VIT: variants seen among roughly 807,000 people sequenced by gnomAD.
VIT encodes vitrin.
A neutral mutation model predicts 78.0 loss-of-function variants in VIT; 99 were observed. That is an observed-to-expected ratio of 1.27 (90% confidence interval 1.08 to 1.50). The LOEUF (loss-of-function observed/expected upper bound fraction) is 1.50. VIT is among the 40% of genes most tolerant of loss of function. The probability of loss-of-function intolerance (pLI) is 0.00; values close to 1 mark genes in which losing one functional copy is unlikely to be tolerated. For missense variants in VIT, 1,126 were observed against 875.3 expected, an observed-to-expected ratio of 1.29 and a Z score of -3.61; for synonymous variants, 374 against 334.3, an observed-to-expected ratio of 1.12 and a Z score of -1.29.
chr2:36,813,796 G>C (rs1181880852), intron 15 of VIT, among the ~76,000 whole-genome samples: 3 of 152,098 alleles, frequency 2.0e-5, no homozygotes, highest in Non-Finnish European at 4.4e-5. Flanking sequence ...CATGTATTCT[G>C]ATCTGCATGG....
At chr2:36,721,628 G>A (rs1558514062) in intron 2 of VIT, among the ~76,000 whole-genome samples, 1 of 152,120 alleles carries the variant, frequency 6.6e-6, no homozygotes, top group Non-Finnish European at 1.5e-5. Flanking sequence ...CTTGCTTGTG[G>A]AGCCTTCCTG....
In VIT at chr2:36,801,325, C is replaced by G. The variant is rs1417995539; in HGVS notation, c.1083C>G (p.Asn361Lys). ...QYGDNPATHF[N>K]LKTHTNSRDL... ...GAGACAACCCTGCTACTCACTTTAA[C>G]CTCAAGACACACACGAATTCTCGAG... Residue 361 changes from asparagine (N) to lysine (K), a missense_variant, in exon 13 of 16, where the codon AAC becomes AAG. Asn to Lys is a moderately conservative substitution (Grantham distance 94). Coordinates refer to ENST00000379242, the MANE Select transcript of VIT (RefSeq NM_053276.4). 5.6e-6 allele frequency: 9 copies of G among 1,613,990 alleles called. No homozygotes were observed. The highest frequency in any genetic ancestry group is 1.3e-5 in the African/African-American group (1 of 74,912).
intron 12 of VIT, among the ~76,000 whole-genome samples, chr2:36,797,411 A>G (rs187299190): frequency 7.9e-4 from 121 of 152,296 alleles, no homozygotes; most frequent in Non-Finnish European, 1.9e-4. Context: ...GACGGAAAGG[A>G]TGGGAGAAAT....
intron 12 of VIT, among the ~76,000 whole-genome samples, chr2:36,797,030 A>G (rs770969919): frequency 2.6e-5 from 4 of 151,972 alleles, no homozygotes; most frequent in Non-Finnish European, 4.4e-5. Context: ...ACAATTACAT[A>G]TTTATTATTG....
At chr2:36,801,676 C>T (rs540213531) in intron 13 of VIT, among the ~76,000 whole-genome samples, 48 of 150,252 alleles carry the variant, frequency 3.2e-4, no homozygotes, top group African/African-American at 9.1e-4. Flanking sequence ...GGTGTGGTGG[C>T]GGGTGCCTAT....
chr2:36,724,812 C>G (rs1234581793), intron 2 of VIT, among the ~76,000 whole-genome samples: 2 of 152,194 alleles, frequency 1.3e-5, no homozygotes, highest in Non-Finnish European at 2.9e-5. Context: ...GACTTATAAG[C>G]CACTTGCCTC....
chr2:36,806,650 A>G (rs1331721587), intron 14 of VIT, among the ~76,000 whole-genome samples: 1 of 152,042 alleles, frequency 6.6e-6, no homozygotes, highest in Non-Finnish European at 1.5e-5. Flanking sequence ...AGCTTCAAGC[A>G]ATTCTCCTGC....
chr2:36,742,605 C>A (rs1426735212), intron 3 of VIT, among the ~76,000 whole-genome samples: 2 of 152,146 alleles, frequency 1.3e-5, no homozygotes, highest in Non-Finnish European at 2.9e-5. Context: ...TACCAATCTA[C>A]CATCCTCCCA....
chr2:36,812,143 A>T (rs1438949963), intron 15 of VIT, among the ~76,000 whole-genome samples: 3 of 152,160 alleles, frequency 2.0e-5, no homozygotes, highest in Non-Finnish European at 2.9e-5. Context: ...TCCAATCTAG[A>T]CAATGTTCCG....
At chr2:36,772,575 T>C (rs1416277567) in intron 7 of VIT, among the ~76,000 whole-genome samples, 1 of 151,716 alleles carries the variant, frequency 6.6e-6, no homozygotes, top group African/African-American at 2.4e-5. Context: ...AGCATGGTGA[T>C]GTGCACTTGT....
At chr2:36,711,805 C>T (rs1395286723) in intron 1 of VIT, among the ~76,000 whole-genome samples, 1 of 152,178 alleles carries the variant, frequency 6.6e-6, no homozygotes, top group African/African-American at 2.4e-5. Flanking sequence ...TAACTGTGGG[C>T]AGAAAGAGAG....
chr2:36,805,813 C>T lies in VIT; in HGVS notation c.1389+149C>T, dbSNP rs560268366. 37 of 813,912 alleles carry T rather than the reference C, an allele frequency of 4.5e-5. No individual in the cohort carries two copies. In the South Asian group the frequency reaches 5.2e-4, roughly 11 times the overall value. 50.4% of individuals were successfully genotyped at this position (813,912 alleles called of 1,614,324 possible). ...GCCTCCAGGGAGGGACTGGTCAATCCGAAACCTGCAATTACCCTCTCAAAG... is the reference window on the plus strand; with the variant it reads ...GCCTCCAGGGAGGGACTGGTCAATCTGAAACCTGCAATTACCCTCTCAAAG... On this transcript the variant is annotated intron_variant, in intron 14 of 15. Transcript: ENST00000379242.
chr2:36,698,775 C>A (rs1664831777), intron 1 of VIT, among the ~76,000 whole-genome samples: 1 of 152,030 alleles, frequency 6.6e-6, no homozygotes, highest in Non-Finnish European at 1.5e-5. Flanking sequence ...GAAACCCCAT[C>A]TCTACCAAAA....
chr2:36,792,470 C>G (rs974954485), intron 12 of VIT, among the ~76,000 whole-genome samples: 3 of 151,890 alleles, frequency 2.0e-5, no homozygotes, highest in Admixed American at 1.3e-4. Flanking sequence ...TGACTTCCAC[C>G]CCTCCCCTTT....
chr2:36,795,109 A>T (rs551328724), intron 12 of VIT, among the ~76,000 whole-genome samples: 1 of 152,326 alleles, frequency 6.6e-6, no homozygotes, highest in East Asian at 1.9e-4. Context: ...AGGGATTGGA[A>T]GCTAGGAGAA....
chr2:36,801,368 G>C lies in VIT; in HGVS notation c.1126G>C (p.Glu376Gln). ...TNSRDLKTAIEKITQRGGLSN... is the reference protein window; with the variant it reads ...TNSRDLKTAIQKITQRGGLSN... ...TTCTCGAGATCTGAAGACAGCCATA[G>C]AGAAAATTACTCAGAGAGGAGGACT... The change falls in exon 13 of 16, where the codon GAG becomes CAG. Residue 376 changes from glutamate (E) to glutamine (Q), a missense_variant. Coordinates refer to ENST00000379242, the MANE Select transcript of VIT (RefSeq NM_053276.4). 2 of 1,614,046 alleles carry C rather than the reference G, an allele frequency of 1.2e-6. No homozygotes were observed. The highest frequency in any genetic ancestry group is 1.7e-6 in the Non-Finnish European group (2 of 1,180,020).
At chr2:36,697,516 T>TTAA (rs1388109758) in intron 1 of VIT, among the ~76,000 whole-genome samples, 1 of 152,256 alleles carries the variant, frequency 6.6e-6, no homozygotes, top group Non-Finnish European at 1.5e-5. Context: ...TTGTTTACAC[T>TTAA]TAAAGTGTTT....
At chr2:36,721,195 A>G (rs1407312984) in intron 2 of VIT, among the ~76,000 whole-genome samples, 1 of 152,230 alleles carries the variant, frequency 6.6e-6, no homozygotes, top group South Asian at 2.1e-4. Flanking sequence ...TGGCTATGTT[A>G]ATTAGCTTGA....
At chr2:36,787,067 G>A in intron 11 of VIT, 62 bp from the exon 12 acceptor site, 3 of 1,594,684 alleles carry the variant, frequency 1.9e-6, no homozygotes, top group South Asian at 1.1e-5. Flanking sequence ...AGGAACAAGA[G>A]GATGCCCAGG....
Sources: allele counts gnomAD v4.1 joint callset (sites outside exome capture counted in the v4.1 genomes callset), GRCh38; gene constraint gnomAD v4.1.1; transcripts MANE v1.5; gene names NCBI Gene and HGNC (gene_info 2026-07-23, HGNC 2026-07-21).